Variants in CCDC30 observed in about 807,000 individuals in gnomAD.
CCDC30 encodes coiled-coil domain-containing protein 30.
A neutral mutation model predicts 100.2 loss-of-function variants in CCDC30; 70 were observed. That is an observed-to-expected ratio of 0.70 (90% CI 0.58 to 0.85). The LOEUF (loss-of-function observed/expected upper bound fraction) is 0.85. Among genes scored for constraint, CCDC30 ranks in the 40% least tolerant of loss-of-function variants. The probability of loss-of-function intolerance (pLI) is 0.00; values close to 1 mark genes in which losing one functional copy is unlikely to be tolerated. For synonymous variants in CCDC30, 233 were observed against 269.5 expected, an observed-to-expected ratio of 0.86 and a Z score of 1.33; for missense variants, 652 against 771.2, an observed-to-expected ratio of 0.85 and a Z score of 1.83.
intron 1 of CCDC30, among the ~76,000 whole-genome samples, chr1:42,473,939 C>T (rs1465671460): frequency 6.6e-6 from 1 of 151,904 alleles, no homozygotes; most frequent in African/African-American, 2.4e-5. Flanking sequence ...TAGGACCAGG[C>T]ACCTAGTGCT....
chr1:42,525,593 T>C (rs1170753083), intron 6 of CCDC30, among the ~76,000 whole-genome samples: 1 of 152,232 alleles, frequency 6.6e-6, no homozygotes, highest in East Asian at 1.9e-4. Context: ...ACTTGTTTCT[T>C]TGAAGGTTTA....
At position 42,610,877 on chromosome 1, in the gene CCDC30, CTA is replaced by C. The variant is rs377100444; in HGVS notation, c.1165-98_1165-97del. The stretch of plus-strand genomic sequence containing the variant: ...ACTATGATCTCAGAAGCAGGAGTGA[CTA>C]TAAGCTTTTTTTTTTTTTTTTACCA... On this transcript the variant is annotated intron_variant, in intron 10 of 16. Coordinates refer to ENST00000668663, the Ensembl canonical transcript of CCDC30. 443 of 610,598 alleles carry C rather than the reference CTA, an allele frequency of 7.3e-4. 1 individual carries two copies. The highest frequency in any genetic ancestry group is 6.5e-3 in the African/African-American group (317 of 48,804). The allele number at this position is 610,598 out of a possible 1,614,324, so 37.8% of individuals were successfully genotyped here. A position where few individuals can be genotyped will look rare whatever the true frequency, so the allele number is the denominator to read the frequency against.
rs146909803 is a variant in CCDC30 at position 42,560,566 on chromosome 1, T to C, written c.457-5730T>C. ...TTGTATTTTTAGTAGAGACAGAGTT[T>C]CATCGTGCTGGCCAGGCTGGTCTCG... On this transcript the variant is annotated intron_variant, in intron 6 of 16. Coordinates refer to ENST00000668663, the Ensembl canonical transcript of CCDC30. Among the ~76,000 whole-genome samples the C allele has an allele frequency of 4.0e-3, 603 of 152,166 alleles. 3 individuals carry two copies. Among genetic ancestry groups the C allele is most frequent in the African/African-American group, 0.014 (575 of 41,522 alleles).
chr1:42,554,001 A>G (rs1645313649), intron 6 of CCDC30, among the ~76,000 whole-genome samples: 1 of 152,032 alleles, frequency 6.6e-6, no homozygotes, highest in Non-Finnish European at 1.5e-5. Context: ...CCCATAGTAT[A>G]TATATATATG....
Position 42,580,850 on chromosome 1 carries a change from C to T in CCDC30, c.847-510C>T, listed in dbSNP as rs115158002. 3.4e-3 allele frequency: 1,541 copies of T among 456,128 alleles called. 23 individuals are homozygous for T. The highest frequency in any genetic ancestry group is 0.027 in the African/African-American group (1,343 of 50,140). 28.3% of individuals were successfully genotyped at this position (456,128 alleles called of 1,614,324 possible). ...TTTGCAGTGTTATTCATGAATCTAG[C>T]CACACTGTGGAGAAACTAGGTGCAC... On this transcript the variant is annotated intron_variant, in intron 8 of 16. Transcript: ENST00000668663.
At chr1:42,518,040 T>C (rs1033710031) in intron 6 of CCDC30, among the ~76,000 whole-genome samples, 10 of 152,200 alleles carry the variant, frequency 6.6e-5, no homozygotes, top group African/African-American at 1.4e-4. Flanking sequence ...GGGATTATAT[T>C]GAATCTGTAG....
chr1:42,555,609 G>A (rs1645352803), intron 6 of CCDC30, among the ~76,000 whole-genome samples: 1 of 152,192 alleles, frequency 6.6e-6, no homozygotes, highest in South Asian at 2.1e-4. Flanking sequence ...TAAACTGGCA[G>A]TTTGGCTGTA....
intron 6 of CCDC30, among the ~76,000 whole-genome samples, chr1:42,533,579 A>G (rs935904535): frequency 6.6e-6 from 1 of 152,234 alleles, no homozygotes; most frequent in Non-Finnish European, 1.5e-5. Context: ...GGCAACTTAC[A>G]GAGGAGATTT....
At chr1:42,497,389 T>C (rs1316184386) in intron 5 of CCDC30, among the ~76,000 whole-genome samples, 176 bp downstream of exon 5, 2 of 152,186 alleles carry the variant, frequency 1.3e-5, no homozygotes, top group Admixed American at 6.5e-5. Flanking sequence ...TCTGTACTTA[T>C]ATTTTATACA....
intron 15 of CCDC30, among the ~76,000 whole-genome samples, chr1:42,652,698 A>G (rs917172274): frequency 5.3e-5 from 8 of 152,208 alleles, no homozygotes; most frequent in African/African-American, 1.4e-4. Context: ...TTATTCAGCC[A>G]TAAAAGACAT....
chr1:42,511,315 C>T (rs1335794418), intron 6 of CCDC30, among the ~76,000 whole-genome samples: 1 of 152,112 alleles, frequency 6.6e-6, no homozygotes, highest in Non-Finnish European at 1.5e-5. Flanking sequence ...GATCTGCATC[C>T]TCCCTCAAAG....
At chr1:42,519,611 A>T (rs1023892195) in intron 6 of CCDC30, among the ~76,000 whole-genome samples, 32 of 152,082 alleles carry the variant, frequency 2.1e-4, no homozygotes, top group Non-Finnish European at 8.8e-5. Flanking sequence ...GAGTGCAATG[A>T]TGCCGTCTCG....
In CCDC30 at chr1:42,472,148, G is replaced by A. The variant is rs568325125; in HGVS notation, c.-92+8250G>A. On this transcript the variant is annotated intron_variant, in intron 1 of 16. Transcript: ENST00000668663. ...ACACACCTGTAATCCCAGCTACTCA[G>A]GAGGCTGAGGCAGGAGAATCACTTG... Among the ~76,000 whole-genome samples the A allele has an allele frequency of 9.2e-5, 14 of 152,222 alleles. 1 individual carries two copies. Among genetic ancestry groups the A allele is most frequent in the African/African-American group, 3.4e-4 (14 of 41,526 alleles).
chr1:42,566,573 A>G, intron 7 of CCDC30, 98 bp downstream of exon 11: 1 of 999,732 alleles, frequency 1.0e-6, no homozygotes, highest in South Asian at 1.8e-5. Context: ...GATAGGATCC[A>G]CAAATATGTG....
chr1:42,569,489 G>A (rs1272192042), intron 7 of CCDC30, among the ~76,000 whole-genome samples: 2 of 152,196 alleles, frequency 1.3e-5, no homozygotes, highest in Admixed American at 6.5e-5. Context: ...AGATGCTGGC[G>A]AGGATGTGGT....
intron 15 of CCDC30, among the ~76,000 whole-genome samples, chr1:42,652,018 A>G (rs1648394173): frequency 6.6e-6 from 1 of 152,234 alleles, no homozygotes; most frequent in Admixed American, 6.5e-5. Flanking sequence ...TAGAACTACC[A>G]TATGATCCAG....
At chr1:42,655,419 C>T (rs538201544), downstream of CCDC30, among the ~76,000 whole-genome samples, 4 of 152,056 alleles carry the variant, frequency 2.6e-5, no homozygotes, top group African/African-American at 4.8e-5. Flanking sequence ...GTAGTGCGCG[C>T]GCCTGTAGTC....
intron 13 of CCDC30, among the ~76,000 whole-genome samples, chr1:42,643,289 G>A (rs1243141229): frequency 1.3e-5 from 2 of 152,144 alleles, no homozygotes. Flanking sequence ...AGAGGTGAGG[G>A]AACTCACTCA....
At chr1:42,465,295 AGT>A (rs1643536001) in intron 1 of CCDC30, among the ~76,000 whole-genome samples, 2 of 152,168 alleles carry the variant, frequency 1.3e-5, no homozygotes, top group East Asian at 1.9e-4. Flanking sequence ...TGGGCTACAG[AGT>A]GAGACCCTGT....
Sources: gnomAD v4.1 joint callset for allele counts (sites outside exome capture counted in the v4.1 genomes callset) on GRCh38, gnomAD v4.1.1 for gene constraint, MANE v1.5 for transcripts, NCBI Gene and HGNC (gene_info 2026-07-23, HGNC 2026-07-21) for gene names.